Variants in NMT2 observed in about 807,000 individuals in gnomAD.
The protein encoded by NMT2 is N-myristoyltransferase 2, also known as glycylpeptide N-tetradecanoyltransferase 2.
In NMT2, 35 loss-of-function variants were observed where a neutral mutation model predicts 65.4. That is an observed-to-expected ratio of 0.54 (90% CI 0.41 to 0.71). NMT2 has a LOEUF of 0.71. Among genes scored for constraint, NMT2 ranks in the 30% least tolerant of loss-of-function variants. The pLI, the probability that NMT2 is intolerant of heterozygous loss-of-function variation, is 0.00. For missense variants in NMT2, 489 were observed against 611.3 expected (o/e 0.80, Z 2.11); for synonymous variants, 226 against 231.8 (o/e 0.98, Z 0.23).
chr10:15,149,871 G>A (rs545748413), intron 1 of NMT2, among the ~76,000 whole-genome samples: 41 of 152,108 alleles, frequency 2.7e-4, no homozygotes, highest in Non-Finnish European at 4.9e-4. Flanking sequence ...ACTACCCTAC[G>A]TTGTCTCTCA....
In NMT2 at chr10:15,133,163, G is replaced by A. The variant is rs1384024702; in HGVS notation, c.511-19C>T. On this transcript the variant is annotated intron_variant, in intron 4 of 11. Transcript: ENST00000378165. ...CCTTGAGCTATAAGATAAAACAAGTGTCCTATCCATGGTGCTCAGAATCAA... is the reference window on the plus strand; with the variant it reads ...CCTTGAGCTATAAGATAAAACAAGTATCCTATCCATGGTGCTCAGAATCAA... 6.2e-7 allele frequency: 1 copy of A among 1,605,206 alleles called. No individual in the cohort carries two copies. The highest frequency in any genetic ancestry group is 1.3e-5 in the African/African-American group (1 of 74,736).
At chr10:15,112,181 T>TGGG (rs1845545246) in intron 10 of NMT2, among the ~76,000 whole-genome samples, 3 of 9,212 alleles carry the variant, frequency 3.3e-4, no homozygotes, top group Non-Finnish European at 4.2e-4. Context: ...GCTTTATATA[T>TGGG]ATATATATAT....
At chr10:15,134,694 C>CT (rs1341091034) in intron 3 of NMT2, among the ~76,000 whole-genome samples, 6 of 152,082 alleles carry the variant, frequency 3.9e-5, no homozygotes, top group South Asian at 2.1e-4. Context: ...TTTTAATACT[C>CT]TAATGGGCTA....
rs1209043679 is a variant in NMT2, at chr10:15,108,473, C to A, written c.*722G>T. ...GTGCTGGGATTACAGGCGTGAGCCA[C>A]CACGCCCGGCCTCAGGCTCTTTCAG... On this transcript the variant is annotated 3_prime_UTR_variant, in exon 12 of 12. Transcript: ENST00000378165. 1.0e-6 allele frequency: 1 copy of A among 982,778 alleles called. No individual in the cohort carries two copies. The highest frequency in any genetic ancestry group is 1.2e-6 in the Non-Finnish European group (1 of 827,608). 60.9% of individuals were successfully genotyped at this position (982,778 alleles called of 1,614,324 possible). A position where few individuals can be genotyped will look rare whatever the true frequency, so the allele number is the denominator to read the frequency against.
chr10:15,130,722 A>G (rs1425148928), intron 6 of NMT2, among the ~76,000 whole-genome samples: 57 of 150,064 alleles, frequency 3.8e-4, no homozygotes, highest in Non-Finnish European at 7.3e-4. Context: ...AAAAAAAAAA[A>G]AAAAAGAAAA....
intron 1 of NMT2, among the ~76,000 whole-genome samples, chr10:15,146,130 G>A (rs766082283): frequency 2.0e-5 from 3 of 152,132 alleles, no homozygotes; most frequent in Non-Finnish European, 4.4e-5. Flanking sequence ...GGTTTCACTT[G>A]AAAGGTCCAC....
At chr10:15,115,660 G>A (rs543350632) in intron 9 of NMT2, among the ~76,000 whole-genome samples, 1 of 152,168 alleles carries the variant, frequency 6.6e-6, no homozygotes, top group Non-Finnish European at 1.5e-5. Context: ...CATCAGTAGT[G>A]TGGGTAAAGA....
intron 9 of NMT2, among the ~76,000 whole-genome samples, chr10:15,117,147 T>A (rs1487610416): frequency 1.3e-5 from 2 of 152,096 alleles, no homozygotes; most frequent in African/African-American, 4.8e-5. Context: ...CAACAAATAC[T>A]CAGCAAAATA....
intron 1 of NMT2, among the ~76,000 whole-genome samples, chr10:15,162,248 T>A: frequency 1.7e-5 from 2 of 117,542 alleles, no homozygotes; most frequent in African/African-American, 6.8e-5. Flanking sequence ...TGAGACCTTG[T>A]CTCAAAAAAA....
chr10:15,112,313 C>T (rs1458128159), intron 10 of NMT2, among the ~76,000 whole-genome samples: 3 of 138,012 alleles, frequency 2.2e-5, no homozygotes, highest in African/African-American at 2.7e-5. Context: ...ATTGCAACCT[C>T]TGCCTCCCAG....
chr10:15,109,355 A>G, intron 11 of NMT2, 140 bp from the exon 12 acceptor site: 2 of 1,002,876 alleles, frequency 2.0e-6, no homozygotes, highest in East Asian at 2.8e-5. Flanking sequence ...CAGGCGGATC[A>G]CCTGAGGTCA....
In NMT2 at chr10:15,106,244, C is replaced by T. The variant is rs960775505; in HGVS notation, c.*2951G>A. On this transcript the variant is annotated 3_prime_UTR_variant, in exon 12 of 12. Transcript: ENST00000378165. Reference sequence around the variant, plus strand: ...TCCTGACCTCAAGTGATCTGCTCACCTTGGCCTCCCAAAGTGCAGGGATTA... The same window carrying T: ...TCCTGACCTCAAGTGATCTGCTCACTTTGGCCTCCCAAAGTGCAGGGATTA... 1 of 175,550 alleles carries T rather than the reference C, an allele frequency of 5.7e-6. No homozygotes were observed. The highest frequency in any genetic ancestry group is 1.2e-5 in the Non-Finnish European group (1 of 80,198). 10.9% of individuals were successfully genotyped at this position (175,550 alleles called of 1,614,324 possible).
chr10:15,111,135 C>T (rs1020813196), intron 10 of NMT2, among the ~76,000 whole-genome samples: 2 of 152,196 alleles, frequency 1.3e-5, no homozygotes, highest in African/African-American at 4.8e-5. Context: ...ATGGTTTCAT[C>T]TCCAGGATTA....
At position 15,109,123 on chromosome 10, in the gene NMT2, G is replaced by T. The variant is rs1452020789; in HGVS notation, c.*72C>A. ...TGAGTTGTGCTTTTATTCTTCTTTG[G>T]AATGGCAGTTCCAGAAATCATTAAA... is the stretch of plus-strand genomic sequence containing the variant. On this transcript the variant is annotated 3_prime_UTR_variant, in exon 12 of 12. Coordinates refer to ENST00000378165, the MANE Select transcript of NMT2 (RefSeq NM_004808.3). 6 of 1,580,418 alleles carry T rather than the reference G, an allele frequency of 3.8e-6. No homozygotes were observed. In the African/African-American group the frequency reaches 6.9e-5, roughly 18 times the overall value.
At position 15,132,920 on chromosome 10, in the gene NMT2, G is replaced by A. The variant is rs764969637; in HGVS notation, c.616C>T (p.Pro206Ser). Residue 206 changes from proline to serine, a missense_variant, in exon 6 of 12, where the codon CCA becomes TCA. Pro to Ser is a moderately conservative substitution (Grantham distance 74). Coordinates refer to ENST00000378165, the MANE Select transcript of NMT2 (RefSeq NM_004808.3). ...PEFLLWALRP[P>S]GWLLQWHCGV... ...CAGTGCCACTGCAGGAGCCAGCCTG[G>A]TGGACGCAGAGCCCTGAGGTCACGG... 6 of 1,612,914 alleles carry A rather than the reference G, an allele frequency of 3.7e-6. No homozygotes were observed. Among genetic ancestry groups the A allele is most frequent in the Non-Finnish European group, 4.2e-6 (5 of 1,179,312 alleles).
At chr10:15,127,348 C>T (rs918272997) in intron 8 of NMT2, among the ~76,000 whole-genome samples, 4 of 151,484 alleles carry the variant, frequency 2.6e-5, no homozygotes, top group Middle Eastern at 3.4e-3. Context: ...GAGATCAAGA[C>T]TATCCTGGCT....
At chr10:15,127,634 G>A (rs1387990234) in intron 8 of NMT2, among the ~76,000 whole-genome samples, 1 of 151,306 alleles carries the variant, frequency 6.6e-6, no homozygotes, top group African/African-American at 2.4e-5. Flanking sequence ...TGGGTGCAGT[G>A]GCTCATGCCT....
intron 8 of NMT2, among the ~76,000 whole-genome samples, chr10:15,126,705 G>A (rs1388773908): frequency 3.9e-5 from 6 of 152,218 alleles, no homozygotes; most frequent in African/African-American, 1.4e-4. Context: ...AGTTTCAGAT[G>A]AGACCTCAGC....
chr10:15,163,941 A>T (rs1833286074), intron 1 of NMT2, among the ~76,000 whole-genome samples: 1 of 152,180 alleles, frequency 6.6e-6, no homozygotes, highest in South Asian at 2.1e-4. Context: ...GCACTTTGGG[A>T]GGCCGAGGCG....
Sources: allele counts gnomAD v4.1 joint callset (sites outside exome capture counted in the v4.1 genomes callset), GRCh38; gene constraint gnomAD v4.1.1; transcripts MANE v1.5; gene names NCBI Gene and HGNC (gene_info 2026-07-23, HGNC 2026-07-21).